The following ACOXL variants were observed in gnomAD, a reference collection of about 807,000 sequenced individuals.
ACOXL encodes acyl-coenzyme A oxidase-like protein.
Under a neutral mutation model 71.9 loss-of-function variants are expected in ACOXL, and 70 were observed. The observed-to-expected ratio is 0.97, with a 90% confidence interval of 0.80 to 1.19. The LOEUF (loss-of-function observed/expected upper bound fraction) is 1.19, where lower values mean the gene tolerates loss of function less well. ACOXL is among the 50% of genes most tolerant of loss of function. The probability of loss-of-function intolerance (pLI) is 0.00; values close to 1 mark genes in which losing one functional copy is unlikely to be tolerated. For missense variants in ACOXL, 703 were observed against 736.3 expected (o/e 0.95, Z 0.52); for synonymous variants, 253 against 281.6 (o/e 0.90, Z 1.02).
intron 12 of ACOXL, among the ~76,000 whole-genome samples, chr2:110,976,829 C>T (rs989691348): frequency 2.6e-5 from 4 of 152,108 alleles, no homozygotes; most frequent in Non-Finnish European, 5.9e-5. Flanking sequence ...AAAGAATAGT[C>T]CATTAAGACT....
At chr2:111,072,480 C>T (rs1404353249) in intron 16 of ACOXL, among the ~76,000 whole-genome samples, 2 of 152,154 alleles carry the variant, frequency 1.3e-5, no homozygotes, top group Non-Finnish European at 2.9e-5. Context: ...TTTGTTTTTC[C>T]ATTCACCCTT....
chr2:111,025,557 C>T (rs747928460), intron 14 of ACOXL, among the ~76,000 whole-genome samples: 4 of 152,152 alleles, frequency 2.6e-5, no homozygotes, highest in Admixed American at 6.5e-5. Context: ...TCTTAATCTG[C>T]GTTTCTCAGA....
intron 11 of ACOXL, among the ~76,000 whole-genome samples, chr2:110,916,870 T>C (rs551612924): frequency 1.3e-5 from 2 of 152,236 alleles, no homozygotes; most frequent in South Asian, 4.1e-4. Flanking sequence ...AGAAGTCGAA[T>C]CCCTGGATAG....
chr2:110,751,987 G>A (rs983432296), intron 1 of ACOXL, among the ~76,000 whole-genome samples: 2 of 151,546 alleles, frequency 1.3e-5, no homozygotes, highest in Non-Finnish European at 2.9e-5. Context: ...ATACATAGTA[G>A]ATAATCCCAT....
At chr2:111,015,639 A>C (rs1446581276) in intron 14 of ACOXL, among the ~76,000 whole-genome samples, 1 of 152,344 alleles carries the variant, frequency 6.6e-6, no homozygotes, top group East Asian at 1.9e-4. Context: ...AGAAATTAAA[A>C]TATATTCTCA....
In ACOXL at chr2:110,880,602, A is replaced by G. The variant is rs143752849; in HGVS notation, c.789-28187A>G. ...TTCTGTAGGATGGGTTCTTGGAGCT[A>G]GAGTTGTTACATACAACTGTGGCAA... On this transcript the variant is annotated intron_variant, in intron 10 of 17. Coordinates refer to ENST00000439055, the MANE Select transcript of ACOXL (RefSeq NM_001142807.4). 3.3e-5 allele frequency among the ~76,000 whole-genome samples: 5 copies of G among 152,348 alleles called. No homozygotes were observed. In the East Asian group the frequency reaches 9.6e-4, roughly 29 times the overall value.
chr2:111,036,992 G>T (rs2149775547), intron 15 of ACOXL: 1 of 152,328 alleles, frequency 6.6e-6, no homozygotes. Context: ...ATCTGGCAGA[G>T]CATGCCACTT....
chr2:110,791,589 G>A (rs891838936), intron 3 of ACOXL, among the ~76,000 whole-genome samples: 1 of 152,256 alleles, frequency 6.6e-6, no homozygotes, highest in African/African-American at 2.4e-5. Context: ...TGATTCTGTA[G>A]AGAAGTGAGC....
intron 16 of ACOXL, among the ~76,000 whole-genome samples, chr2:111,086,152 A>T (rs1436583376): frequency 6.6e-6 from 1 of 152,228 alleles, no homozygotes; most frequent in South Asian, 2.1e-4. Context: ...AAGACCTGGT[A>T]TCATTACTAC....
At chr2:110,908,110 A>G (rs1410429613) in intron 10 of ACOXL, among the ~76,000 whole-genome samples, 1 of 152,232 alleles carries the variant, frequency 6.6e-6, no homozygotes, top group Non-Finnish European at 1.5e-5. Flanking sequence ...GCTCTTTGCA[A>G]TCTACAACTA....
intron 17 of ACOXL, among the ~76,000 whole-genome samples, chr2:111,110,042 G>A (rs947735055): frequency 6.6e-6 from 1 of 151,934 alleles, no homozygotes; most frequent in Admixed American, 6.6e-5. Flanking sequence ...CATTAATTCC[G>A]GTAACTGGTC....
chr2:110,927,853 T>G (rs2149320237), intron 11 of ACOXL, among the ~76,000 whole-genome samples: 1 of 152,350 alleles, frequency 6.6e-6, no homozygotes, highest in South Asian at 2.1e-4. Flanking sequence ...GTGATCATCT[T>G]TGAAACGTAC....
At chr2:110,734,969 C>T (rs761803618) in intron 1 of ACOXL, among the ~76,000 whole-genome samples, 12 of 152,002 alleles carry the variant, frequency 7.9e-5, no homozygotes, top group Non-Finnish European at 1.3e-4. Context: ...AAAACTGTTG[C>T]GTGGGCATGG....
At chr2:111,071,571 A>G (rs1412266901) in intron 16 of ACOXL, among the ~76,000 whole-genome samples, 1 of 152,232 alleles carries the variant, frequency 6.6e-6, no homozygotes, top group Non-Finnish European at 1.5e-5. Context: ...TCTGAGGCAG[A>G]AGGCAGAGCA....
chr2:111,050,575 C>T (rs1169838694), intron 16 of ACOXL, among the ~76,000 whole-genome samples: 2 of 152,208 alleles, frequency 1.3e-5, no homozygotes, highest in African/African-American at 2.4e-5. Context: ...TCTTTCTTCC[C>T]TCTATCCTGT....
At chr2:111,070,864 G>A (rs1286003571) in intron 16 of ACOXL, among the ~76,000 whole-genome samples, 4 of 152,088 alleles carry the variant, frequency 2.6e-5, no homozygotes, top group Non-Finnish European at 4.4e-5. Context: ...GCTTTCCCTC[G>A]TGGCCTGTAT....
At chr2:110,969,536 C>T (rs1263910617) in intron 12 of ACOXL, among the ~76,000 whole-genome samples, 1 of 152,092 alleles carries the variant, frequency 6.6e-6, no homozygotes, top group Non-Finnish European at 1.5e-5. Flanking sequence ...GGTTGCCAGT[C>T]GTGGTGGCTC....
Position 111,015,584 on chromosome 2 carries a change from C to T in ACOXL, c.1282-16043C>T, listed in dbSNP as rs192777091. 1.5e-3 allele frequency among the ~76,000 whole-genome samples: 224 copies of T among 152,220 alleles called. 1 individual carries two copies. Among genetic ancestry groups the T allele is most frequent in the African/African-American group, 5.2e-3 (216 of 41,522 alleles). The stretch of plus-strand genomic sequence containing the variant: ...AGTTTCTTATAAGGTTAAAAGTACA[C>T]CTATACTATGAGCCAGCAATTCCCT... On this transcript the variant is annotated intron_variant, in intron 14 of 17. Coordinates refer to ENST00000439055, the MANE Select transcript of ACOXL (RefSeq NM_001142807.4).
intron 1 of ACOXL, among the ~76,000 whole-genome samples, chr2:110,743,319 C>T (rs1010163683): frequency 6.6e-6 from 1 of 152,194 alleles, no homozygotes; most frequent in Non-Finnish European, 1.5e-5. Context: ...TATTTAAAAA[C>T]ACAGGTGAAG....
Sources: allele counts gnomAD v4.1 joint callset (sites outside exome capture counted in the v4.1 genomes callset), GRCh38; gene constraint gnomAD v4.1.1; transcripts MANE v1.5; gene names NCBI Gene and HGNC (gene_info 2026-07-23, HGNC 2026-07-21).